RAP1GAP: variants seen among roughly 807,000 people sequenced by gnomAD.
The protein encoded by RAP1GAP is RAP1 GTPase activating protein.
RAP1GAP carries 35 observed loss-of-function variants against 87.2 expected under a neutral mutation model. The ratio of observed to expected loss-of-function variants is 0.40; its 90% CI spans 0.31 to 0.53. The LOEUF is 0.53. Ranked by LOEUF, RAP1GAP falls within the 20% of genes least tolerant of loss-of-function variation. The pLI, the probability that RAP1GAP is intolerant of heterozygous loss-of-function variation, is 0.48. For synonymous variants in RAP1GAP, 375 were observed against 363.9 expected (o/e 1.03, Z -0.35); for missense variants, 734 against 898.9 (o/e 0.82, Z 2.35).
At chr1:21,608,812 G>A in intron 16 of RAP1GAP, 38 bp downstream of exon 16, 4 of 1,572,348 alleles carry the variant, frequency 2.5e-6, no homozygotes, top group South Asian at 1.1e-5. Context: ...GTTGGAAGGT[G>A]AGAAGAGGGT....
chr1:21,597,579 T>C (rs1645792515), intron 24 of RAP1GAP, 107 bp downstream of exon 24: 1 of 1,214,288 alleles, frequency 8.2e-7, no homozygotes, highest in Non-Finnish European at 1.1e-6. Flanking sequence ...CCCAGATACA[T>C]AGCTCCCACC....
At chr1:21,666,032 A>G (rs1452636453) in intron 1 of RAP1GAP, among the ~76,000 whole-genome samples, 1 of 152,238 alleles carries the variant, frequency 6.6e-6, no homozygotes, top group East Asian at 1.9e-4. Flanking sequence ...CGGGCCACAC[A>G]GCCAGCAAGA....
chr1:21,650,868 G>A (rs754037666), intron 1 of RAP1GAP, among the ~76,000 whole-genome samples: 1 of 150,790 alleles, frequency 6.6e-6, no homozygotes, highest in Non-Finnish European at 1.5e-5. Flanking sequence ...GAAGTTGAGC[G>A]TCCACAAGGG....
chr1:21,651,866 C>A, intron 1 of RAP1GAP: 2 of 1,056,284 alleles, frequency 1.9e-6, no homozygotes, highest in Non-Finnish European at 1.1e-6. Context: ...GAGCCGGAGC[C>A]GCCTTCCCGC....
intron 1 of RAP1GAP, among the ~76,000 whole-genome samples, chr1:21,659,016 C>T (rs1177287668): frequency 1.3e-5 from 2 of 151,002 alleles, no homozygotes; most frequent in South Asian, 2.1e-4. Context: ...CTCGGCTCAC[C>T]GCAACCTCCA....
At position 21,602,884 on chromosome 1, in the gene RAP1GAP, C is replaced by A. The variant is rs747561632; in HGVS notation, c.1458G>T (p.Thr486=). ...AGCCGAACGGGCCCGACTTCTTCCTCGTGGGGCTCTTCCCAGGGACAATCA... is the reference window on the plus strand; with the variant it reads ...AGCCGAACGGGCCCGACTTCTTCCTAGTGGGGCTCTTCCCAGGGACAATCA... ...ISLIVPGKSP[T]RKKSGPFGSR... The change falls in exon 19 of 25, where the codon ACG becomes ACT. Residue 486 remains threonine, a synonymous_variant. Coordinates refer to ENST00000374765, the MANE Select transcript of RAP1GAP (RefSeq NM_002885.4). 1.2e-6 allele frequency: 2 copies of A among 1,610,274 alleles called. No homozygotes were observed. Among genetic ancestry groups the A allele is most frequent in the Non-Finnish European group, 1.7e-6 (2 of 1,179,604 alleles).
intron 2 of RAP1GAP, among the ~76,000 whole-genome samples, chr1:21,633,557 C>T (rs2094178901): frequency 6.6e-6 from 1 of 152,036 alleles, no homozygotes; most frequent in Non-Finnish European, 1.5e-5. Context: ...GGACAGGTGA[C>T]AGTGCCTGGA....
At chr1:21,610,001 C>A in intron 14 of RAP1GAP, 119 bp downstream of exon 14, 3 of 1,250,640 alleles carry the variant, frequency 2.4e-6, no homozygotes, top group South Asian at 1.5e-5. Flanking sequence ...ACCATTGAAG[C>A]CTTCCATGGT....
chr1:21,644,830 G>T (rs2095863925), intron 2 of RAP1GAP, among the ~76,000 whole-genome samples: 1 of 151,158 alleles, frequency 6.6e-6, no homozygotes, highest in African/African-American at 2.4e-5. Flanking sequence ...GAACCACGGA[G>T]GTGGAGGTTG....
chr1:21,640,261 CCCCAGACCAGGAGAAGCTGCTCCGAA>C (rs1309001556), intron 2 of RAP1GAP, among the ~76,000 whole-genome samples: 1 of 152,184 alleles, frequency 6.6e-6, no homozygotes, highest in Non-Finnish European at 1.5e-5. Context: ...AGAGCCCCCT[CCCCAGACCAGGAGAAGCTGCTCCGAA>C]CCTGACCAGC....
chr1:21,636,273 C>T (rs1197823315), intron 2 of RAP1GAP, among the ~76,000 whole-genome samples: 1 of 152,242 alleles, frequency 6.6e-6, no homozygotes, highest in East Asian at 1.9e-4. Context: ...GGACAAGTTA[C>T]TTAACCACTA....
chr1:21,669,106 C>T lies in RAP1GAP; in HGVS notation c.-149+148G>A. 3 of 875,228 alleles carry T rather than the reference C, an allele frequency of 3.4e-6. No homozygotes were observed. In the South Asian group the frequency reaches 5.6e-5, roughly 16 times the overall value. The allele number at this position is 875,228 out of a possible 1,614,324, so 54.2% of individuals were successfully genotyped here. On this transcript the variant is annotated intron_variant, in intron 1 of 24. Transcript: ENST00000374765. This position sits in a 1 kb window ranked among gnomAD's most constrained non-coding sequence, Gnocchi z 5.6. ...CGAGCCCAGCTGCGCCCACCCCTCG[C>T]CCCTGGAGACCCGGGTCCCCCACGC...
chr1:21,602,607 G>C (rs886739597), intron 19 of RAP1GAP, among the ~76,000 whole-genome samples, 197 bp downstream of exon 19: 1 of 152,222 alleles, frequency 6.6e-6, no homozygotes, highest in African/African-American at 2.4e-5. Context: ...ACCGCTTCTT[G>C]ATCTGCATGT....
Position 21,669,247 on chromosome 1 carries a change from C to T in RAP1GAP, c.-149+7G>A. On this transcript the variant is annotated splice_region_variant and intron_variant, in intron 1 of 24. Transcript: ENST00000374765. The surrounding 1 kb of genome is among the most constrained non-coding windows in gnomAD (Gnocchi z 5.6). ...CCAGGGCCGCAGCCCTGGCGGGGCG[C>T]ACTCACCCAAGGGCCTGGGCCGGGG... 1 of 1,251,054 alleles carries T rather than the reference C, an allele frequency of 8.0e-7. No individual in the cohort carries two copies. Among genetic ancestry groups the T allele is most frequent in the Non-Finnish European group, 1.0e-6 (1 of 972,890 alleles). The allele number at this position is 1,251,054 out of a possible 1,614,324, so 77.5% of individuals were successfully genotyped here. A position where few individuals can be genotyped will look rare whatever the true frequency, so the allele number is the denominator to read the frequency against.
chr1:21,642,201 G>A (rs2095586726), intron 2 of RAP1GAP, among the ~76,000 whole-genome samples: 1 of 152,222 alleles, frequency 6.6e-6, no homozygotes, highest in Admixed American at 6.5e-5. Context: ...AGGCAGTCAG[G>A]TCACCCCCTG....
intron 2 of RAP1GAP, among the ~76,000 whole-genome samples, chr1:21,649,259 G>A (rs941092060): frequency 1.3e-5 from 2 of 152,160 alleles, no homozygotes; most frequent in African/African-American, 4.8e-5. Context: ...TGGGAGGAAG[G>A]GGTTCTGAGG....
intron 2 of RAP1GAP, among the ~76,000 whole-genome samples, chr1:21,641,547 G>A (rs965581783): frequency 4.6e-5 from 7 of 152,172 alleles, no homozygotes; most frequent in African/African-American, 1.4e-4. Flanking sequence ...GATAACATGC[G>A]TGAAGCAAGG....
intron 3 of RAP1GAP, among the ~76,000 whole-genome samples, chr1:21,625,407 C>CTTTTTT (rs1410218416): frequency 6.6e-6 from 1 of 152,218 alleles, no homozygotes. Context: ...GCTTTAGAAA[C>CTTTTTT]TGCAAAAAGT....
intron 3 of RAP1GAP, among the ~76,000 whole-genome samples, chr1:21,624,140 G>A (rs889372824): frequency 4.6e-5 from 7 of 152,150 alleles, no homozygotes; most frequent in Non-Finnish European, 8.8e-5. Flanking sequence ...GTGTATGTAC[G>A]TGTGTGCAGG....
Sources: allele counts gnomAD v4.1 joint callset (sites outside exome capture counted in the v4.1 genomes callset), GRCh38; gene constraint gnomAD v4.1.1; non-coding constraint Gnocchi (gnomAD v3.1); transcripts MANE v1.5; gene names NCBI Gene and HGNC (gene_info 2026-07-23, HGNC 2026-07-21).